Variants in PCDHGA3 observed in about 807,000 individuals in gnomAD.
PCDHGA3 encodes the protein protocadherin gamma subfamily A, 3.
A neutral mutation model predicts 58.5 loss-of-function variants in PCDHGA3; 40 were observed. That is an observed-to-expected ratio of 0.68 (90% CI 0.53 to 0.89). The LOEUF (loss-of-function observed/expected upper bound fraction) is 0.89. PCDHGA3 is among the 40% of genes least tolerant of loss of function. PCDHGA3 has a pLI of 0.00. For synonymous variants in PCDHGA3, 530 were observed against 525.7 expected, an observed-to-expected ratio of 1.01 and a Z score of -0.11; for missense variants, 1,223 against 1,195.9, an observed-to-expected ratio of 1.02 and a Z score of -0.33.
chr5:141,364,955 G>T (rs267600453), intron 1 of PCDHGA3: 1 of 1,613,906 alleles, frequency 6.2e-7, no homozygotes, highest in East Asian at 2.2e-5. Context: ...GACTGTTCAC[G>T]ACCTCCTCCT....
chr5:141,505,832 T>G (rs1006398435), intron 3 of PCDHGA3, among the ~76,000 whole-genome samples: 1 of 152,188 alleles, frequency 6.6e-6, no homozygotes, highest in African/African-American at 2.4e-5. Flanking sequence ...AAACCTCAGT[T>G]TCCTCAGCCT....
intron 1 of PCDHGA3, chr5:141,409,838 G>A: frequency 1.2e-6 from 2 of 1,611,532 alleles, no homozygotes; most frequent in Non-Finnish European, 1.7e-6. Context: ...CAGCGCCAAC[G>A]TGAGCCTGCG....
chr5:141,361,168 C>T, intron 1 of PCDHGA3: 2 of 1,613,906 alleles, frequency 1.2e-6, no homozygotes, highest in Non-Finnish European at 1.7e-6. Context: ...CGATTGTGCA[C>T]CTGAAGTTAT....
intron 1 of PCDHGA3, among the ~76,000 whole-genome samples, chr5:141,474,420 T>C (rs1260451051): frequency 2.0e-5 from 3 of 152,226 alleles, no homozygotes; most frequent in Admixed American, 2.0e-4. Flanking sequence ...GCCTAGACCA[T>C]TGGTCCTCAC....
chr5:141,420,335 A>G (rs2096490280), intron 1 of PCDHGA3: 1 of 1,403,918 alleles, frequency 7.1e-7, no homozygotes, highest in Non-Finnish European at 9.5e-7. Flanking sequence ...ATATTCCAAT[A>G]TAGTGGTATT....
At chr5:141,496,479 CAACCAACCA>C (rs1199646129) in intron 2 of PCDHGA3, among the ~76,000 whole-genome samples, 1 of 152,180 alleles carries the variant, frequency 6.6e-6, no homozygotes, top group Non-Finnish European at 1.5e-5. Context: ...CCCCATCCTG[CAACCAACCA>C]AACCCTTGTT....
At chr5:141,414,435 C>G (rs891322256) in intron 1 of PCDHGA3, 2 of 1,613,678 alleles carry the variant, frequency 1.2e-6, no homozygotes, top group African/African-American at 1.3e-5. Context: ...AACAGGTATC[C>G]TCTTACAATA....
At chr5:141,468,995 T>G (rs533843461) in intron 1 of PCDHGA3, among the ~76,000 whole-genome samples, 1 of 147,628 alleles carries the variant, frequency 6.8e-6, no homozygotes, top group Non-Finnish European at 1.5e-5. Context: ...TTATTGTTTT[T>G]GCTGGGTGCG....
chr5:141,364,339 T>A, intron 1 of PCDHGA3: 1 of 1,532,912 alleles, frequency 6.5e-7, no homozygotes. Context: ...CAATGGCGAG[T>A]CCACCTAGGG....
At chr5:141,488,021 C>A (rs570700985) in intron 1 of PCDHGA3, among the ~76,000 whole-genome samples, 1 of 152,244 alleles carries the variant, frequency 6.6e-6, no homozygotes, top group East Asian at 1.9e-4. Flanking sequence ...TACCTTAACT[C>A]TAGGTTACCA....
intron 1 of PCDHGA3, chr5:141,360,473 C>T: frequency 6.2e-7 from 1 of 1,613,878 alleles, no homozygotes; most frequent in Non-Finnish European, 8.5e-7. Flanking sequence ...GCTGAAAATC[C>T]ACTAAATATT....
chr5:141,409,129 T>G (rs781711972), intron 1 of PCDHGA3: 5 of 1,613,856 alleles, frequency 3.1e-6, no homozygotes, highest in Non-Finnish European at 4.2e-6. Flanking sequence ...CATTTGATTT[T>G]GAAGATGTAG....
intron 1 of PCDHGA3, chr5:141,428,329 A>G (rs928788851): frequency 4.8e-6 from 3 of 627,180 alleles, no homozygotes; most frequent in South Asian, 3.5e-5. Context: ...CTTGATTTCT[A>G]TGCTCTTCTT....
chr5:141,375,606 A>C, intron 1 of PCDHGA3: 1 of 1,613,922 alleles, frequency 6.2e-7, no homozygotes, highest in Non-Finnish European at 8.5e-7. Context: ...GTGTCCATCA[A>C]CTCCGACACT....
intron 1 of PCDHGA3, among the ~76,000 whole-genome samples, chr5:141,368,730 A>G (rs1166595138): frequency 6.6e-6 from 1 of 152,208 alleles, no homozygotes; most frequent in Non-Finnish European, 1.5e-5. Context: ...TATGTACTGT[A>G]TATACCATAT....
rs1457765340 is a variant in PCDHGA3 at position 141,491,122 on chromosome 5, G to GT, written c.2425-3684dup. 1 of 1,614,058 alleles carries GT rather than the reference G, an allele frequency of 6.2e-7. No homozygotes were observed. Among genetic ancestry groups the GT allele is most frequent in the Non-Finnish European group, 8.5e-7 (1 of 1,180,036 alleles). Reference sequence around the variant, plus strand: ...CCTCGTGTCTACACACACTGGTGAGGTGCGCACAGCCCGGGCCTTACTGGA... The same window carrying GT: ...CCTCGTGTCTACACACACTGGTGAGGTTGCGCACAGCCCGGGCCTTACTGGA... On this transcript the variant is annotated intron_variant, in intron 1 of 3. Coordinates refer to ENST00000253812, the MANE Select transcript of PCDHGA3 (RefSeq NM_018916.4). The surrounding 1 kb of genome is among the most constrained non-coding windows in gnomAD (Gnocchi z 6.9).
At chr5:141,439,796 G>C (rs980000701) in intron 1 of PCDHGA3, 4 of 152,318 alleles carry the variant, frequency 2.6e-5, no homozygotes, top group African/African-American at 9.6e-5. Flanking sequence ...AATCCAAGAA[G>C]AGTTTGAAAA....
At chr5:141,395,506 G>A in intron 1 of PCDHGA3, 1 of 433,794 alleles carries the variant, frequency 2.3e-6, no homozygotes, top group East Asian at 4.4e-5. Flanking sequence ...CACTTAAGAA[G>A]TAGCTACCCG....
chr5:141,370,144 A>G (rs1427805269), intron 1 of PCDHGA3: 2 of 435,992 alleles, frequency 4.6e-6, no homozygotes, highest in Non-Finnish European at 4.0e-6. Flanking sequence ...TTTAGTCACC[A>G]TTACTGCAGT....
Sources: allele counts gnomAD v4.1 joint callset (sites outside exome capture counted in the v4.1 genomes callset), GRCh38; gene constraint gnomAD v4.1.1; non-coding constraint Gnocchi (gnomAD v3.1); transcripts MANE v1.5; gene names NCBI Gene and HGNC (gene_info 2026-07-23, HGNC 2026-07-21).